TAFA1: variants seen among roughly 807,000 people sequenced by gnomAD.
The protein encoded by TAFA1 is chemokine-like protein TAFA-1.
TAFA1 carries 4 observed loss-of-function variants against 18.5 expected under a neutral mutation model. That is an observed-to-expected ratio of 0.22 (90% CI 0.11 to 0.49). TAFA1 has a LOEUF of 0.49. Ranked by LOEUF, TAFA1 falls within the 20% of genes least tolerant of loss-of-function variation. The probability of loss-of-function intolerance (pLI) is 0.98; values close to 1 mark genes in which losing one functional copy is unlikely to be tolerated. For synonymous variants in TAFA1, 56 were observed against 55.2 expected (o/e 1.01, Z -0.06); for missense variants, 147 against 169.0 (o/e 0.87, Z 0.72).
chr3:68,264,378 A>G (rs2067499335), intron 2 of TAFA1, among the ~76,000 whole-genome samples: 1 of 152,232 alleles, frequency 6.6e-6, no homozygotes, highest in African/African-American at 2.4e-5. Context: ...AACTGTCAAC[A>G]TACATCCCTA....
intron 2 of TAFA1, among the ~76,000 whole-genome samples, chr3:68,263,196 G>A (rs2067470197): frequency 6.6e-6 from 1 of 151,806 alleles, no homozygotes; most frequent in Admixed American, 6.6e-5. Flanking sequence ...CCTCACATAG[G>A]GTTTTGAACC....
intron 2 of TAFA1, among the ~76,000 whole-genome samples, chr3:68,008,308 A>G (rs1418304891): frequency 6.6e-6 from 1 of 152,248 alleles, no homozygotes. Flanking sequence ...TCACTTAATC[A>G]CAATTTGTTC....
intron 2 of TAFA1, among the ~76,000 whole-genome samples, chr3:68,167,442 C>T (rs925289615): frequency 2.6e-5 from 4 of 151,650 alleles, no homozygotes; most frequent in South Asian, 2.1e-4. Flanking sequence ...CCGGGCGTGG[C>T]GGCGTGCGCC....
intron 2 of TAFA1, among the ~76,000 whole-genome samples, chr3:68,341,894 A>T (rs2069091832): frequency 6.6e-6 from 1 of 152,194 alleles, no homozygotes; most frequent in Non-Finnish European, 1.5e-5. Context: ...GAAAATTGGG[A>T]GATGTGGAAT....
Position 68,120,167 on chromosome 3 carries a change from CTTTCTCTT to C in TAFA1, c.118+113425_118+113432del, listed in dbSNP as rs1398365845. Among the ~76,000 whole-genome samples, 357 of 147,430 alleles carry C rather than the reference CTTTCTCTT, an allele frequency of 2.4e-3. 6 individuals are homozygous for C. The highest frequency in any genetic ancestry group is 8.8e-3 in the African/African-American group (344 of 39,040). ...TCATTTTCTTTCTTTCTTTCTCTTTCTTTCTCTTTCTTTCTTTCTTTCTTTCTTTCTTT... is the reference window on the plus strand; with the variant it reads ...TCATTTTCTTTCTTTCTTTCTCTTTCTCTTTCTTTCTTTCTTTCTTTCTTT... On this transcript the variant is annotated intron_variant, in intron 2 of 4. Coordinates refer to ENST00000478136, the MANE Select transcript of TAFA1 (RefSeq NM_213609.4).
At chr3:68,532,459 C>T (rs968354997) in intron 3 of TAFA1, among the ~76,000 whole-genome samples, 3 of 152,058 alleles carry the variant, frequency 2.0e-5, no homozygotes, top group Non-Finnish European at 4.4e-5. Flanking sequence ...GGGCAGTGCT[C>T]AGAGAAAGCC....
chr3:68,372,815 A>C (rs2069737444), intron 2 of TAFA1, among the ~76,000 whole-genome samples: 2 of 152,224 alleles, frequency 1.3e-5, no homozygotes, highest in Admixed American at 1.3e-4. Flanking sequence ...TTTGGAAAAA[A>C]AAGTGAAAGC....
intron 2 of TAFA1, among the ~76,000 whole-genome samples, chr3:68,170,056 G>A (rs1235472438): frequency 6.6e-6 from 1 of 152,128 alleles, no homozygotes; most frequent in Non-Finnish European, 1.5e-5. Flanking sequence ...AATTAACTAA[G>A]GGCTTATAAC....
At chr3:68,120,176 TCTTTCTTTC>T (rs2065374811) in intron 2 of TAFA1, among the ~76,000 whole-genome samples, 8 of 14,328 alleles carry the variant, frequency 5.6e-4, no homozygotes, top group African/African-American at 1.3e-3. Flanking sequence ...TCTTTCTCTT[TCTTTCTTTC>T]TTTCTTTCTT....
At chr3:68,226,692 A>G (rs1396865268) in intron 2 of TAFA1, among the ~76,000 whole-genome samples, 2 of 152,160 alleles carry the variant, frequency 1.3e-5, no homozygotes, top group Admixed American at 6.5e-5. Flanking sequence ...AAGACTCTCA[A>G]CCACCCTGAG....
At chr3:68,001,514 C>T (rs964669609), upstream of TAFA1, among the ~76,000 whole-genome samples, 2 of 151,452 alleles carry the variant, frequency 1.3e-5, no homozygotes, top group Non-Finnish European at 2.9e-5. Context: ...TGTGTGCATT[C>T]CTTGTTGCTA....
intron 2 of TAFA1, among the ~76,000 whole-genome samples, chr3:68,111,140 C>A (rs994190393): frequency 1.3e-5 from 2 of 152,128 alleles, no homozygotes; most frequent in African/African-American, 4.8e-5. Context: ...TTACAAGCAA[C>A]ATTTAAAATA....
chr3:68,345,215 C>G (rs2069146118), intron 2 of TAFA1, among the ~76,000 whole-genome samples: 1 of 152,114 alleles, frequency 6.6e-6, no homozygotes. Context: ...CAAATTCCCA[C>G]AGATTGGTCA....
At chr3:68,273,662 C>A (rs1414153569) in intron 2 of TAFA1, among the ~76,000 whole-genome samples, 1 of 152,102 alleles carries the variant, frequency 6.6e-6, no homozygotes, top group Non-Finnish European at 1.5e-5. Flanking sequence ...ACCACTCTTG[C>A]TTCTGTAAAT....
intron 2 of TAFA1, among the ~76,000 whole-genome samples, chr3:68,391,101 C>T (rs974665385): frequency 4.6e-5 from 7 of 152,050 alleles, no homozygotes; most frequent in African/African-American, 7.2e-5. Context: ...TGCAAGGAAG[C>T]TAAGAACCTT....
intron 2 of TAFA1, among the ~76,000 whole-genome samples, chr3:68,079,197 C>G (rs1200050078): frequency 1.3e-5 from 2 of 152,108 alleles, no homozygotes; most frequent in African/African-American, 4.8e-5. Flanking sequence ...TTTGATTCTT[C>G]TCTCTTTTTC....
chr3:68,486,643 A>T (rs1447704401), intron 3 of TAFA1, among the ~76,000 whole-genome samples: 1 of 152,238 alleles, frequency 6.6e-6, no homozygotes, highest in East Asian at 1.9e-4. Context: ...TGTACTCACC[A>T]ATACAAGACA....
chr3:68,082,309 G>C (rs533190708), intron 2 of TAFA1, among the ~76,000 whole-genome samples: 36 of 152,302 alleles, frequency 2.4e-4, no homozygotes, highest in African/African-American at 7.0e-4. Flanking sequence ...GACCGGAGCT[G>C]TTCCTATTCG....
chr3:68,285,074 C>A (rs780370597), intron 2 of TAFA1, among the ~76,000 whole-genome samples: 3 of 152,058 alleles, frequency 2.0e-5, no homozygotes, highest in Non-Finnish European at 2.9e-5. Context: ...GGTGATAGAG[C>A]CAGATCCTGC....
Sources: gnomAD v4.1 joint callset for allele counts (sites outside exome capture counted in the v4.1 genomes callset) on GRCh38, gnomAD v4.1.1 for gene constraint, MANE v1.5 for transcripts, NCBI Gene and HGNC (gene_info 2026-07-23, HGNC 2026-07-21) for gene names.